CTSD: variants seen among roughly 807,000 people sequenced by gnomAD.
The protein encoded by CTSD is ceroid-lipofuscinosis, neuronal 10.
CTSD carries 28 observed loss-of-function variants against 43.6 expected under a neutral mutation model. The ratio of observed to expected loss-of-function variants is 0.64; its 90% CI spans 0.48 to 0.88. The LOEUF is 0.88. CTSD is among the 40% of genes least tolerant of loss of function. CTSD has a pLI of 0.00. For synonymous variants in CTSD, 270 were observed against 249.8 expected (o/e 1.08, Z -0.76); for missense variants, 485 against 555.2 (o/e 0.87, Z 1.27).
intron 4 of CTSD, chr11:1,758,002 T>C: frequency 8.1e-6 from 2 of 246,252 alleles, no homozygotes; most frequent in South Asian, 4.5e-5. Context: ...GCCTGTCCCC[T>C]CCCCCAGCCC....
At chr11:1,755,201 C>A in intron 5 of CTSD, 173 bp from the exon 6 acceptor site, 1 of 771,740 alleles carries the variant, frequency 1.3e-6, no homozygotes, top group Non-Finnish European at 2.2e-6. Context: ...AGACTCCCTT[C>A]TTCCCGGGGT....
chr11:1,761,217 C>T (rs1263085753), intron 2 of CTSD, 92 bp downstream of exon 2: 17 of 1,464,492 alleles, frequency 1.2e-5, no homozygotes, highest in Non-Finnish European at 1.6e-5. Context: ...AACTGCGCTG[C>T]TGAGAACAGG....
Position 1,754,588 on chromosome 11 carries a change from GTCAC to G in CTSD, c.827+314_827+317del, listed in dbSNP as rs1565019574. ...TGGAGGAGATGGAGGGTCATGAAGA[GTCAC>G]AGAGGGATGAGGGGATGGAGGGGAT... On this transcript the variant is annotated intron_variant, in intron 6 of 8. Coordinates refer to ENST00000236671, the MANE Select transcript of CTSD (RefSeq NM_001909.5). Among the ~76,000 whole-genome samples the G allele has an allele frequency of 5.4e-4, 61 of 112,656 alleles. 2 individuals carry two copies. Among genetic ancestry groups the G allele is most frequent in the African/African-American group, 1.8e-3 (56 of 30,308 alleles). The allele number at this position is 112,656 out of a possible 152,430, so 73.9% of individuals were successfully genotyped here. A position where few individuals can be genotyped will look rare whatever the true frequency, so the allele number is the denominator to read the frequency against.
intron 6 of CTSD, 33 bp downstream of exon 6, chr11:1,754,873 A>G (rs1482804437): frequency 1.9e-6 from 3 of 1,613,100 alleles, no homozygotes; most frequent in Non-Finnish European, 2.5e-6. Context: ...CCGCCCACAG[A>G]ACCCAGGGGA....
intron 6 of CTSD, among the ~76,000 whole-genome samples, chr11:1,754,412 A>G (rs867515150): frequency 5.3e-4 from 48 of 89,864 alleles, no homozygotes; most frequent in East Asian, 2.0e-3. Context: ...GGAGGGGATG[A>G]AGGGATGGAG....
chr11:1,757,019 G>A (rs1479770016), intron 5 of CTSD, among the ~76,000 whole-genome samples: 3 of 152,210 alleles, frequency 2.0e-5, no homozygotes, highest in South Asian at 2.1e-4. Flanking sequence ...GAACTGCCAC[G>A]ACCCCTGACC....
intron 4 of CTSD, among the ~76,000 whole-genome samples, 168 bp from the exon 5 acceptor site, chr11:1,757,724 T>A (rs916671444): frequency 6.6e-5 from 10 of 152,138 alleles, no homozygotes; most frequent in Non-Finnish European, 1.5e-4. Context: ...CCGCTGGGGA[T>A]GGGGACACGG....
chr11:1,754,127 G>T lies in CTSD; in HGVS notation c.839C>A (p.Ala280Asp). 1 of 1,609,390 alleles carries T rather than the reference G, an allele frequency of 6.2e-7. No individual in the cohort carries two copies. ...WQVHLDQVEV[A>D]SGLTLCKEGC... ...CTCCTTGCACAGGGTCAGCCCGCTG[G>T]CCACCTCCACCCTGCGGGGAGTCAG... The change falls in exon 7 of 9, where the codon GCC becomes GAC. Residue 280 changes from alanine (A) to aspartate (D), a missense_variant. Physicochemically the swap from Ala to Asp is moderately radical, Grantham distance 126 (BLOSUM62 -2). Coordinates refer to ENST00000236671, the MANE Select transcript of CTSD (RefSeq NM_001909.5).
chr11:1,756,000 GCACT>G (rs1196264020), intron 5 of CTSD, among the ~76,000 whole-genome samples: 1 of 152,102 alleles, frequency 6.6e-6, no homozygotes, highest in Non-Finnish European at 1.5e-5. Context: ...CTACACCTGG[GCACT>G]CACAACCATG....
Position 1,757,554 on chromosome 11 carries a change from C to A in CTSD, c.474G>T (p.Val158=). 1 of 1,608,000 alleles carries A rather than the reference C, an allele frequency of 6.2e-7. No individual in the cohort carries two copies. The highest frequency in any genetic ancestry group is 1.1e-5 in the South Asian group (1 of 90,746). ...SGYLSQDTVS[V]PCQSASSASA... ...AGGCTGACGACGCTGACTGGCAGGGCACCTGCAGGCCAGGGCAGAGTCAGT... is the reference window on the plus strand; with the variant it reads ...AGGCTGACGACGCTGACTGGCAGGGAACCTGCAGGCCAGGGCAGAGTCAGT... Residue 158 remains valine (V), a splice_region_variant and synonymous_variant, in exon 5 of 9, where the codon GTG becomes GTT. Coordinates refer to ENST00000236671, the MANE Select transcript of CTSD (RefSeq NM_001909.5).
At chr11:1,754,524 AGGGGATGGAGGGATGGAGGGATGGAG>A (rs1565019453) in intron 6 of CTSD, among the ~76,000 whole-genome samples, 1 of 14,058 alleles carries the variant, frequency 7.1e-5, no homozygotes. Flanking sequence ...GGAGGGATGG[AGGGGATGGAGGGATGGAGGGATGGAG>A]GGGATGGAGG....
chr11:1,761,422 C>A lies in CTSD; in HGVS notation c.115G>T (p.Val39Phe), dbSNP rs762631372. The A allele has an allele frequency of 6.2e-7, 1 of 1,613,806 alleles. No homozygotes were observed. The highest frequency in any genetic ancestry group is 8.5e-7 in the Non-Finnish European group (1 of 1,180,028). The change falls in exon 2 of 9, where the codon GTT becomes TTT. Residue 39 changes from valine to phenylalanine, a missense_variant. By Grantham distance (50) the Val-to-Phe change is conservative. Transcript: ENST00000236671. Reference sequence around the variant, plus strand: ...ATCAGGTCCTCCACAGAGCCCCCAACCTCCGACATGGTCCGGCGGATGGAC... The same window carrying A: ...ATCAGGTCCTCCACAGAGCCCCCAAACTCCGACATGGTCCGGCGGATGGAC... ...FTSIRRTMSEVGGSVEDLIAK... is the reference protein window; with the variant it reads ...FTSIRRTMSEFGGSVEDLIAK...
chr11:1,761,605 C>T (rs1845879144), intron 1 of CTSD, 137 bp from the exon 2 acceptor site: 1 of 908,800 alleles, frequency 1.1e-6, no homozygotes, highest in Non-Finnish European at 1.7e-6. Flanking sequence ...TGCCTGTCAC[C>T]TGGAAACTGC....
chr11:1,757,286 C>T, intron 5 of CTSD, 38 bp downstream of exon 5: 1 of 1,564,514 alleles, frequency 6.4e-7, no homozygotes, highest in Non-Finnish European at 8.8e-7. Flanking sequence ...CGCCCTGCCT[C>T]CCAGCAACGC....
At chr11:1,760,158 C>T (rs1377187078) in intron 2 of CTSD, among the ~76,000 whole-genome samples, 5 of 152,214 alleles carry the variant, frequency 3.3e-5, no homozygotes, top group Non-Finnish European at 7.3e-5. Flanking sequence ...GGCTTCCAGG[C>T]AGAGGGGTTC....
chr11:1,754,417 ATGGAGGGG>A (rs1845773611), intron 6 of CTSD, among the ~76,000 whole-genome samples: 1 of 94,952 alleles, frequency 1.1e-5, no homozygotes, highest in African/African-American at 3.7e-5. Context: ...GGATGAAGGG[ATGGAGGGG>A]CATGGAGGGA....
intron 2 of CTSD, among the ~76,000 whole-genome samples, chr11:1,760,087 G>C (rs1845857062): frequency 6.6e-6 from 1 of 152,236 alleles, no homozygotes; most frequent in Non-Finnish European, 1.5e-5. Context: ...GCCATGTCAA[G>C]GTCTGATTCT....
chr11:1,763,358 G>A (rs1432561405), intron 1 of CTSD, among the ~76,000 whole-genome samples: 1 of 152,234 alleles, frequency 6.6e-6, no homozygotes, highest in Non-Finnish European at 1.5e-5. Flanking sequence ...GTTCACAGGT[G>A]GTAAAGGGGT....
In CTSD at chr11:1,754,500, GGGGATGGA is replaced by G. The variant is rs1293409262; in HGVS notation, c.828-370_828-363del. Reference sequence around the variant, plus strand: ...GTCATGGAGAGTCACAGAGGGATGTGGGGATGGAGGGATGGAGGGATGGAGGGGATGGA... The same window carrying G: ...GTCATGGAGAGTCACAGAGGGATGTGGGGATGGAGGGATGGAGGGGATGGA... On this transcript the variant is annotated intron_variant, in intron 6 of 8. Transcript: ENST00000236671. Among the ~76,000 whole-genome samples, 143 of 120,996 alleles carry G rather than the reference GGGGATGGA, an allele frequency of 1.2e-3. 2 individuals are homozygous for G. The highest frequency in any genetic ancestry group is 4.3e-3 in the African/African-American group (128 of 29,748). The allele number at this position is 120,996 out of a possible 152,430, so 79.4% of individuals were successfully genotyped here.
Sources: allele counts gnomAD v4.1 joint callset (sites outside exome capture counted in the v4.1 genomes callset), GRCh38; gene constraint gnomAD v4.1.1; transcripts MANE v1.5; gene names NCBI Gene and HGNC (gene_info 2026-07-23, HGNC 2026-07-21).